The following CNTNAP5 variants were observed in gnomAD, a reference collection of about 807,000 sequenced individuals.
The protein encoded by CNTNAP5 is contactin associated protein family member 5.
CNTNAP5 carries 72 observed loss-of-function variants against 150.2 expected under a neutral mutation model. The ratio of observed to expected loss-of-function variants is 0.48; its 90% CI spans 0.40 to 0.58. The LOEUF (loss-of-function observed/expected upper bound fraction) is 0.58. CNTNAP5 is among the 20% of genes least tolerant of loss of function. The probability of loss-of-function intolerance (pLI) is 0.00; values close to 1 mark genes in which losing one functional copy is unlikely to be tolerated. For missense variants in CNTNAP5, 1,636 were observed against 1,626.2 expected, an observed-to-expected ratio of 1.01 and a Z score of -0.10; for synonymous variants, 672 against 619.8, an observed-to-expected ratio of 1.08 and a Z score of -1.25.
intron 3 of CNTNAP5, among the ~76,000 whole-genome samples, chr2:124,280,307 A>ACTACT (rs1487533559): frequency 3.7e-4 from 56 of 152,174 alleles, no homozygotes; most frequent in African/African-American, 1.3e-3. Flanking sequence ...AGCTGAGATT[A>ACTACT]CAGGCGCCCA....
intron 1 of CNTNAP5, among the ~76,000 whole-genome samples, chr2:124,123,862 C>G (rs541408928): frequency 1.3e-5 from 2 of 152,098 alleles, no homozygotes; most frequent in African/African-American, 4.8e-5. Context: ...AGAAGGAAAA[C>G]TAACAAACAG....
rs548284687 is a variant in CNTNAP5 at position 124,163,769 on chromosome 2, G to A, written c.83-57936G>A. Among the ~76,000 whole-genome samples, 134 of 151,656 alleles carry A rather than the reference G, an allele frequency of 8.8e-4. 1 individual carries two copies. Among genetic ancestry groups the A allele is most frequent in the African/African-American group, 3.1e-3 (130 of 41,380 alleles). On this transcript the variant is annotated intron_variant, in intron 1 of 23. Transcript: ENST00000682447. Reference sequence around the variant, plus strand: ...TTTCATTTCATTTCTTTCAAGTTAAGGAAAGGAGAAATAAAATAACATTTA... The same window carrying A: ...TTTCATTTCATTTCTTTCAAGTTAAAGAAAGGAGAAATAAAATAACATTTA...
intron 2 of CNTNAP5, among the ~76,000 whole-genome samples, chr2:124,233,699 C>A (rs555591237): frequency 6.6e-6 from 1 of 151,824 alleles, no homozygotes; most frequent in Non-Finnish European, 1.5e-5. Flanking sequence ...CTCTTTCTCT[C>A]CTTTCTCTCT....
At chr2:124,050,415 G>C (rs2104641942) in intron 1 of CNTNAP5, among the ~76,000 whole-genome samples, 1 of 152,174 alleles carries the variant, frequency 6.6e-6, no homozygotes, top group Admixed American at 6.5e-5. Flanking sequence ...AGTGAGCCAA[G>C]ATCTCAACAG....
intron 10 of CNTNAP5, among the ~76,000 whole-genome samples, chr2:124,551,879 T>A (rs1484426972): frequency 1.3e-5 from 2 of 152,160 alleles, no homozygotes; most frequent in African/African-American, 2.4e-5. Flanking sequence ...CTGAGTATAT[T>A]TTTTAATGCT....
At chr2:124,430,083 C>T (rs1692336799) in intron 4 of CNTNAP5, among the ~76,000 whole-genome samples, 1 of 151,880 alleles carries the variant, frequency 6.6e-6, no homozygotes, top group African/African-American at 2.4e-5. Context: ...TTGCGAGGTG[C>T]ATTATGAAGG....
intron 8 of CNTNAP5, among the ~76,000 whole-genome samples, chr2:124,511,219 G>A (rs768059446): frequency 1.3e-5 from 2 of 152,174 alleles, no homozygotes; most frequent in Non-Finnish European, 2.9e-5. Context: ...GAGGAATAGG[G>A]CAGACTGTTT....
intron 1 of CNTNAP5, among the ~76,000 whole-genome samples, chr2:124,121,369 G>A (rs145262625): frequency 0.015 from 2,247 of 152,258 alleles, 58 homozygotes; most frequent in African/African-American, 0.051. Context: ...GCACACACGT[G>A]TGCATTTTCC....
chr2:124,025,441 G>A lies in CNTNAP5; in HGVS notation c.-210G>A. On this transcript the variant is annotated 5_prime_UTR_variant, in exon 1 of 24. Transcript: ENST00000682447. ...CGAGTCCAGCTAGCGGCTGTTGCGGGGACCGTAGCCCCAGCTGCAGCTCCG... is the reference window on the plus strand; with the variant it reads ...CGAGTCCAGCTAGCGGCTGTTGCGGAGACCGTAGCCCCAGCTGCAGCTCCG... The A allele has an allele frequency of 1.7e-6, 1 of 590,398 alleles. No individual in the cohort carries two copies. Among genetic ancestry groups the A allele is most frequent in the Non-Finnish European group, 3.0e-6 (1 of 330,312 alleles). 36.6% of individuals were successfully genotyped at this position (590,398 alleles called of 1,614,324 possible). A position where few individuals can be genotyped will look rare whatever the true frequency, so the allele number is the denominator to read the frequency against.
At chr2:124,377,197 G>A (rs1012528176) in intron 3 of CNTNAP5, among the ~76,000 whole-genome samples, 4 of 152,058 alleles carry the variant, frequency 2.6e-5, no homozygotes, top group Admixed American at 2.6e-4. Context: ...TAAGATGGTG[G>A]TTATTTACAT....
intron 3 of CNTNAP5, among the ~76,000 whole-genome samples, chr2:124,318,166 G>A (rs1281485553): frequency 1.3e-5 from 2 of 152,150 alleles, no homozygotes; most frequent in African/African-American, 4.8e-5. Flanking sequence ...AGTATTGCTT[G>A]GCCCCAAAAC....
intron 1 of CNTNAP5, among the ~76,000 whole-genome samples, chr2:124,163,366 A>G (rs572474359): frequency 1.5e-4 from 23 of 152,270 alleles, no homozygotes; most frequent in African/African-American, 5.5e-4. Context: ...TCAAATTGTC[A>G]TCATAGGAGA....
chr2:124,527,490 C>T (rs781593773), intron 10 of CNTNAP5, 34 bp downstream of exon 10: 1 of 1,537,356 alleles, frequency 6.5e-7, no homozygotes, highest in South Asian at 1.2e-5. Context: ...GTTCTGCCAC[C>T]CCCTTCCCAT....
chr2:124,504,259 G>C, intron 7 of CNTNAP5, 33 bp from the exon 8 acceptor site: 1 of 1,598,808 alleles, frequency 6.3e-7, no homozygotes, highest in Non-Finnish European at 8.6e-7. Flanking sequence ...ATAAAAAATG[G>C]CTTTTATATG....
chr2:124,537,203 G>A (rs1384374511), intron 10 of CNTNAP5, among the ~76,000 whole-genome samples: 2 of 152,182 alleles, frequency 1.3e-5, no homozygotes, highest in African/African-American at 2.4e-5. Context: ...GAGCCTGGCT[G>A]CAACTCATGG....
intron 13 of CNTNAP5, among the ~76,000 whole-genome samples, chr2:124,728,159 A>G (rs539476766): frequency 1.3e-5 from 2 of 152,142 alleles, no homozygotes; most frequent in African/African-American, 4.8e-5. Flanking sequence ...CATGGTGTGT[A>G]ATTCTCTTGA....
intron 1 of CNTNAP5, among the ~76,000 whole-genome samples, chr2:124,106,402 C>T (rs371068634): frequency 2.6e-5 from 4 of 152,076 alleles, no homozygotes; most frequent in Admixed American, 6.6e-5. Context: ...ACTTTAAGCC[C>T]GACCTCCCAA....
intron 3 of CNTNAP5, among the ~76,000 whole-genome samples, chr2:124,304,377 A>C (rs1246062804): frequency 6.7e-6 from 1 of 150,300 alleles, no homozygotes; most frequent in East Asian, 1.9e-4. Flanking sequence ...AACCACAGGG[A>C]GAAATGGCAA....
chr2:124,865,941 T>TA lies in CNTNAP5; in HGVS notation c.3348+516dup, dbSNP rs796481830. On this transcript the variant is annotated intron_variant, in intron 20 of 23. Coordinates refer to ENST00000682447, the MANE Select transcript of CNTNAP5 (RefSeq NM_001367498.1). ...CCTGGGAGACAGAGCAAGACTTCATTAAAAAAAAAAATTAAAAGAAAAAAA... is the reference window on the plus strand; with the variant it reads ...CCTGGGAGACAGAGCAAGACTTCATTAAAAAAAAAAAATTAAAAGAAAAAAA... Among the ~76,000 whole-genome samples, 113 of 130,380 alleles carry TA rather than the reference T, an allele frequency of 8.7e-4. No homozygotes were observed. The South Asian group carries it at 8.9e-3, about 10-fold the overall frequency. 85.5% of individuals were successfully genotyped at this position (130,380 alleles called of 152,430 possible).
Sources: allele counts gnomAD v4.1 joint callset (sites outside exome capture counted in the v4.1 genomes callset), GRCh38; gene constraint gnomAD v4.1.1; transcripts MANE v1.5; gene names NCBI Gene and HGNC (gene_info 2026-07-23, HGNC 2026-07-21).